Variants in MAP2K4 observed in about 807,000 individuals in gnomAD.
MAP2K4 encodes the protein mitogen-activated protein kinase kinase 4, also known as dual specificity mitogen-activated protein kinase kinase 4.
A neutral mutation model predicts 48.5 loss-of-function variants in MAP2K4; 4 were observed. That is an observed-to-expected ratio of 0.08 (90% CI 0.04 to 0.19). The LOEUF is 0.19. Among genes scored for constraint, MAP2K4 ranks in the 10% least tolerant of loss-of-function variants. The pLI is 1.00. For synonymous variants in MAP2K4, 166 were observed against 173.1 expected (o/e 0.96, Z 0.32); for missense variants, 258 against 493.3 (o/e 0.52, Z 4.52).
chr17:12,073,762 C>A (rs897501953), intron 2 of MAP2K4, among the ~76,000 whole-genome samples: 2 of 147,158 alleles, frequency 1.4e-5, no homozygotes, highest in Non-Finnish European at 3.0e-5. Context: ...TCTTCCTTCT[C>A]GTTGTAGATT....
chr17:12,124,172 G>C (rs1972778312), intron 7 of MAP2K4: 1 of 152,180 alleles, frequency 6.6e-6, no homozygotes, highest in Non-Finnish European at 1.5e-5. Flanking sequence ...GATGCTCACA[G>C]GCAGAGAATG....
At chr17:12,114,347 C>T (rs999028397) in intron 7 of MAP2K4, among the ~76,000 whole-genome samples, 2 of 151,802 alleles carry the variant, frequency 1.3e-5, no homozygotes, top group African/African-American at 4.8e-5. Context: ...TTTGTTATAT[C>T]TTCCCATATC....
intron 2 of MAP2K4, among the ~76,000 whole-genome samples, chr17:12,055,354 T>C (rs11655727): frequency 0.23 from 34,238 of 152,012 alleles, 4,037 homozygotes; most frequent in Middle Eastern, 0.26. Context: ...AGAAATGATA[T>C]TGTAGCATCT....
chr17:12,034,448 T>G (rs1969532164), intron 1 of MAP2K4, among the ~76,000 whole-genome samples: 1 of 152,250 alleles, frequency 6.6e-6, no homozygotes, highest in Non-Finnish European at 1.5e-5. Flanking sequence ...GTGGCTACTT[T>G]CTGCTGGCTT....
intron 3 of MAP2K4, among the ~76,000 whole-genome samples, chr17:12,086,278 C>G (rs757837642): frequency 2.0e-5 from 3 of 152,094 alleles, no homozygotes; most frequent in Non-Finnish European, 4.4e-5. Flanking sequence ...GAGCTGTATT[C>G]TTTTATGCTT....
At chr17:12,083,279 T>G (rs1367820599) in intron 3 of MAP2K4, among the ~76,000 whole-genome samples, 1 of 152,238 alleles carries the variant, frequency 6.6e-6, no homozygotes, top group African/African-American at 2.4e-5. Context: ...TATTTTGGGT[T>G]GTATAATGCT....
chr17:12,046,199 G>A (rs960430364), intron 1 of MAP2K4, among the ~76,000 whole-genome samples: 11 of 152,174 alleles, frequency 7.2e-5, no homozygotes, highest in Non-Finnish European at 1.3e-4. Context: ...AACCAAAGGT[G>A]GAGATAACTG....
At chr17:12,093,865 CT>C (rs1302360265) in intron 3 of MAP2K4, among the ~76,000 whole-genome samples, 2 of 152,054 alleles carry the variant, frequency 1.3e-5, no homozygotes, top group African/African-American at 4.8e-5. Flanking sequence ...CACAGCTACA[CT>C]TTTAGAGTTA....
chr17:12,106,124 T>TC (rs1283499122), intron 4 of MAP2K4, among the ~76,000 whole-genome samples: 1 of 152,122 alleles, frequency 6.6e-6, no homozygotes, highest in Non-Finnish European at 1.5e-5. Flanking sequence ...CATTTTTTTT[T>TC]CCGCTTTGCT....
chr17:12,037,455 C>G (rs1969636771), intron 1 of MAP2K4, among the ~76,000 whole-genome samples: 1 of 152,086 alleles, frequency 6.6e-6, no homozygotes, highest in African/African-American at 2.4e-5. Flanking sequence ...AAACTAAGAA[C>G]TTAGAAAATT....
At chr17:12,057,497 A>G (rs1011316787) in intron 2 of MAP2K4, among the ~76,000 whole-genome samples, 1 of 152,182 alleles carries the variant, frequency 6.6e-6, no homozygotes, top group African/African-American at 2.4e-5. Context: ...TTCTGTAATT[A>G]TATGAGGATA....
At chr17:12,041,740 A>G (rs992667924) in intron 1 of MAP2K4, among the ~76,000 whole-genome samples, 2 of 152,240 alleles carry the variant, frequency 1.3e-5, no homozygotes, top group Non-Finnish European at 2.9e-5. Flanking sequence ...TGTTTGTCCT[A>G]AAGATGTTAA....
intron 9 of MAP2K4, among the ~76,000 whole-genome samples, chr17:12,133,577 T>C (rs1973106584): frequency 6.6e-6 from 1 of 152,216 alleles, no homozygotes; most frequent in Non-Finnish European, 1.5e-5. Flanking sequence ...TGTTTCCCAA[T>C]TTAACTATCT....
At chr17:12,044,615 A>G (rs1457712797) in intron 1 of MAP2K4, among the ~76,000 whole-genome samples, 3 of 152,228 alleles carry the variant, frequency 2.0e-5, no homozygotes, top group Admixed American at 6.5e-5. Context: ...GTGACCAAAT[A>G]TGGGGGATTT....
chr17:12,080,670 A>T, intron 2 of MAP2K4, among the ~76,000 whole-genome samples: 1 of 152,152 alleles, frequency 6.6e-6, no homozygotes, highest in East Asian at 1.9e-4. Context: ...CCAGCTAGCT[A>T]TTCAGTTAAC....
intron 1 of MAP2K4, among the ~76,000 whole-genome samples, chr17:12,053,980 T>C (rs1016346047): frequency 1.3e-5 from 2 of 152,192 alleles, no homozygotes; most frequent in African/African-American, 4.8e-5. Flanking sequence ...AACCAAGATA[T>C]GCTGCAAATG....
Position 12,139,900 on chromosome 17 carries a change from T to C in MAP2K4, c.1086+16T>C. The C allele has an allele frequency of 6.3e-7, 1 of 1,575,922 alleles. No homozygotes were observed. The highest frequency in any genetic ancestry group is 8.6e-7 in the Non-Finnish European group (1 of 1,158,262). ...AGAGCTTCTGGTGAGTGTGGGACTG[T>C]GGGGATTGTAGGTACATCCTAACCC... On this transcript the variant is annotated intron_variant, in intron 10 of 10. Coordinates refer to ENST00000353533, the MANE Select transcript of MAP2K4 (RefSeq NM_003010.4).
chr17:12,111,934 T>G (rs1324094745), intron 6 of MAP2K4, among the ~76,000 whole-genome samples: 1 of 152,132 alleles, frequency 6.6e-6, no homozygotes, highest in Non-Finnish European at 1.5e-5. Flanking sequence ...TGTGGCTGCC[T>G]CGTGAAGAAG....
intron 9 of MAP2K4, among the ~76,000 whole-genome samples, chr17:12,132,629 G>C (rs1426231738): frequency 6.6e-6 from 1 of 151,880 alleles, no homozygotes; most frequent in African/African-American, 2.4e-5. Flanking sequence ...AAAAGGATAA[G>C]ACTTAATGGT....
Sources: gnomAD v4.1 joint callset for allele counts (sites outside exome capture counted in the v4.1 genomes callset) on GRCh38, gnomAD v4.1.1 for gene constraint, MANE v1.5 for transcripts, NCBI Gene and HGNC (gene_info 2026-07-23, HGNC 2026-07-21) for gene names.